The following MYOCD variants were observed in gnomAD, a reference collection of about 807,000 sequenced individuals.
MYOCD encodes the protein myocardin.
MYOCD carries 32 observed loss-of-function variants against 96.1 expected under a neutral mutation model. That is an observed-to-expected ratio of 0.33 (90% CI 0.25 to 0.45). MYOCD has a LOEUF of 0.45. Among genes scored for constraint, MYOCD ranks in the 20% least tolerant of loss-of-function variants. MYOCD has a pLI of 1.00. For missense variants in MYOCD, 1,133 were observed against 1,200.6 expected, an observed-to-expected ratio of 0.94 and a Z score of 0.83; for synonymous variants, 469 against 469.0, an observed-to-expected ratio of 1.00 and a Z score of 0.00.
intron 6 of MYOCD, among the ~76,000 whole-genome samples, chr17:12,737,360 T>C (rs771993766): frequency 1.2e-4 from 18 of 152,172 alleles, no homozygotes; most frequent in Admixed American, 4.6e-4. Context: ...TCACAAAAGT[T>C]TCCTCATTTG....
At chr17:12,707,599 A>T (rs2031337736) in intron 2 of MYOCD, among the ~76,000 whole-genome samples, 1 of 152,180 alleles carries the variant, frequency 6.6e-6, no homozygotes, top group Non-Finnish European at 1.5e-5. Context: ...CTGTAGTCCC[A>T]GCTACTCGGG....
chr17:12,753,478 G>T (rs28730826), intron 10 of MYOCD, 132 bp downstream of exon 10: 9,914 of 822,330 alleles, frequency 0.012, 86 homozygotes, highest in Non-Finnish European at 0.015. Context: ...GAATCTCCCA[G>T]ACACTACAAT....
At position 12,736,247 on chromosome 17, in the gene MYOCD, C is replaced by T. The variant is rs1157881092; in HGVS notation, c.502C>T (p.Arg168Ter). ...CGATGGGCTTTCTCCGGATCAGACT[C>T]GAAGTGAAGACCCCCAAAACTCAGC... is the stretch of plus-strand genomic sequence containing the variant. ...SSDGLSPDQT[R>*]SEDPQNSAGS... Residue 168 changes from arginine to a stop codon, truncating the protein, a stop_gained, in exon 6 of 14, where the codon CGA (arginine) becomes TGA (stop). Coordinates refer to ENST00000425538, the MANE Select transcript of MYOCD (RefSeq NM_001146312.3). LOFTEE classifies it high-confidence loss of function. 5 of 1,614,060 alleles carry T rather than the reference C, an allele frequency of 3.1e-6. No individual in the cohort carries two copies. The African/African-American group carries it at 6.7e-5, about 22-fold the overall frequency.
chr17:12,751,453 C>A (rs1340292965), intron 9 of MYOCD, among the ~76,000 whole-genome samples: 2 of 152,168 alleles, frequency 1.3e-5, no homozygotes, highest in African/African-American at 4.8e-5. Context: ...CATACACTAT[C>A]ATTTACCTAA....
intron 9 of MYOCD, among the ~76,000 whole-genome samples, chr17:12,750,759 A>T (rs1418378435): frequency 1.3e-5 from 2 of 152,208 alleles, no homozygotes; most frequent in Non-Finnish European, 2.9e-5. Context: ...TGCCAACTTA[A>T]TCAATACAAA....
intron 2 of MYOCD, among the ~76,000 whole-genome samples, chr17:12,710,742 G>A (rs16946487): frequency 0.033 from 4,986 of 152,112 alleles, 247 homozygotes; most frequent in African/African-American, 0.11. Flanking sequence ...AGCAGTACAC[G>A]GCGCAAGGGA....
intron 1 of MYOCD, among the ~76,000 whole-genome samples, chr17:12,672,495 A>G (rs1909765192): frequency 6.6e-6 from 1 of 152,242 alleles, no homozygotes; most frequent in Non-Finnish European, 1.5e-5. Context: ...ATTCTTAGAT[A>G]AAACAGAAAG....
In MYOCD at chr17:12,746,679, C is replaced by G. The variant is rs142146345; in HGVS notation, c.1125+607C>G. 3.4e-3 allele frequency among the ~76,000 whole-genome samples: 511 copies of G among 148,352 alleles called. 4 individuals carry two copies. The highest frequency in any genetic ancestry group is 0.012 in the African/African-American group (484 of 40,390). On this transcript the variant is annotated intron_variant, in intron 9 of 13. Transcript: ENST00000425538. Reference sequence around the variant, plus strand: ...CAGAATCATTGGCTGGTGAGAGTTACGGTAATTAGTATAGGTATAAGGAGA... The same window carrying G: ...CAGAATCATTGGCTGGTGAGAGTTAGGGTAATTAGTATAGGTATAAGGAGA...
chr17:12,741,952 C>A (rs530357463), intron 7 of MYOCD, among the ~76,000 whole-genome samples: 1 of 152,040 alleles, frequency 6.6e-6, no homozygotes, highest in Non-Finnish European at 1.5e-5. Flanking sequence ...GCCTTTACCC[C>A]AGACTATCCA....
At chr17:12,714,793 G>C (rs959337466) in intron 2 of MYOCD, among the ~76,000 whole-genome samples, 1 of 152,162 alleles carries the variant, frequency 6.6e-6, no homozygotes, top group African/African-American at 2.4e-5. Context: ...TGACTGACCA[G>C]TGCCTGTGTC....
intron 2 of MYOCD, 33 bp downstream of exon 2, chr17:12,705,226 C>T: frequency 6.7e-7 from 1 of 1,490,440 alleles, no homozygotes; most frequent in East Asian, 2.3e-5. Context: ...TACTGATATA[C>T]ATAGGGCCAC....
chr17:12,691,401 T>C (rs1157454449), intron 1 of MYOCD, among the ~76,000 whole-genome samples: 1 of 152,188 alleles, frequency 6.6e-6, no homozygotes, highest in Non-Finnish European at 1.5e-5. Context: ...CATCAGAGTC[T>C]GGGATCATTC....
chr17:12,729,215 A>C (rs1229571743), intron 5 of MYOCD, among the ~76,000 whole-genome samples: 1 of 152,264 alleles, frequency 6.6e-6, no homozygotes, highest in African/African-American at 2.4e-5. Context: ...TCCAAAGAGT[A>C]AACCACCCTT....
intron 12 of MYOCD, 128 bp downstream of exon 12, chr17:12,758,341 A>G: frequency 7.3e-7 from 1 of 1,363,396 alleles, no homozygotes; most frequent in Non-Finnish European, 1.0e-6. Flanking sequence ...TACCACCAAA[A>G]TAAGCAAATT....
At chr17:12,678,671 TA>T (rs763039128) in intron 1 of MYOCD, among the ~76,000 whole-genome samples, 8 of 152,046 alleles carry the variant, frequency 5.3e-5, no homozygotes, top group Non-Finnish European at 8.8e-5. Context: ...TTAATATTTT[TA>T]TTTTTTTGTT....
chr17:12,678,930 C>G (rs921587726), intron 1 of MYOCD, among the ~76,000 whole-genome samples: 16 of 152,048 alleles, frequency 1.1e-4, no homozygotes, highest in African/African-American at 3.1e-4. Flanking sequence ...ATCTCCTGAC[C>G]TCGTGATATT....
At position 12,767,888 on chromosome 17, in the gene MYOCD, T is replaced by C. The variant is rs1403327143; in HGVS notation, c.*4244T>C. On this transcript the variant is annotated 3_prime_UTR_variant, in exon 14 of 14. Coordinates refer to ENST00000425538, the MANE Select transcript of MYOCD (RefSeq NM_001146312.3). ...ATCCCTACTTATCGTAGCAGCTCTA[T>C]AGACAAAAGGGACACTTACTGGTGA... The C allele has an allele frequency of 2.0e-5, 3 of 152,150 alleles. No individual in the cohort carries two copies. Among genetic ancestry groups the C allele is most frequent in the African/African-American group, 7.2e-5 (3 of 41,436 alleles). The allele number at this position is 152,150 out of a possible 1,614,324, so 9.4% of individuals were successfully genotyped here.
intron 13 of MYOCD, 72 bp from the exon 14 acceptor site, chr17:12,763,001 G>T: frequency 7.6e-7 from 1 of 1,322,456 alleles, no homozygotes; most frequent in South Asian, 1.4e-5. Flanking sequence ...GTATCTAAGT[G>T]TAACTCACTC....
At chr17:12,697,753 TA>T (rs958716221) in intron 1 of MYOCD, among the ~76,000 whole-genome samples, 38 of 150,744 alleles carry the variant, frequency 2.5e-4, no homozygotes, top group African/African-American at 7.1e-4. Flanking sequence ...TTTTTGCTGC[TA>T]AAAAAAAATA....
Sources: allele counts gnomAD v4.1 joint callset (sites outside exome capture counted in the v4.1 genomes callset), GRCh38; gene constraint gnomAD v4.1.1; transcripts MANE v1.5; gene names NCBI Gene and HGNC (gene_info 2026-07-23, HGNC 2026-07-21).